RXRG: variants seen among roughly 807,000 people sequenced by gnomAD.
RXRG encodes retinoid X receptor gamma.
RXRG carries 19 observed loss-of-function variants against 49.2 expected under a neutral mutation model. That is an observed-to-expected ratio of 0.39 (90% CI 0.27 to 0.57). The LOEUF is 0.57. Among genes scored for constraint, RXRG ranks in the 20% least tolerant of loss-of-function variants. RXRG has a pLI of 0.64. For missense variants in RXRG, 452 were observed against 592.5 expected, an observed-to-expected ratio of 0.76 and a Z score of 2.46; for synonymous variants, 224 against 216.6, an observed-to-expected ratio of 1.03 and a Z score of -0.30.
intron 9 of RXRG, among the ~76,000 whole-genome samples, chr1:165,406,366 G>T (rs1657750018): frequency 6.6e-6 from 1 of 152,210 alleles, no homozygotes; most frequent in African/African-American, 2.4e-5. Flanking sequence ...GGGTTTCTAT[G>T]GGGGCAGACC....
chr1:165,413,113 T>C (rs910922064), intron 4 of RXRG, among the ~76,000 whole-genome samples: 2 of 152,216 alleles, frequency 1.3e-5, no homozygotes, highest in South Asian at 2.1e-4. Flanking sequence ...AACCCTTTGC[T>C]ATTCACTTTT....
intron 9 of RXRG, among the ~76,000 whole-genome samples, chr1:165,404,996 T>G (rs904828470): frequency 7.2e-5 from 11 of 152,204 alleles, no homozygotes; most frequent in African/African-American, 2.4e-4. Flanking sequence ...CGACCTCAGG[T>G]GATCCGCCAG....
chr1:165,406,693 A>T, intron 9 of RXRG, 119 bp downstream of exon 9: 1 of 758,836 alleles, frequency 1.3e-6, no homozygotes, highest in Non-Finnish European at 2.2e-6. Context: ...TCAGCTTGTT[A>T]TGAAGATTAA....
Position 165,444,970 on chromosome 1 carries a change from C to A in RXRG, c.-77G>T. ...CCTCTCTCGGCTCCCAGGCACAGCC[C>A]GGCTTTCTTCAACTTGGGCTAACAA... is the stretch of plus-strand genomic sequence containing the variant. On this transcript the variant is annotated 5_prime_UTR_variant, in exon 1 of 10. Coordinates refer to ENST00000359842, the MANE Select transcript of RXRG (RefSeq NM_006917.5). 1 of 1,407,072 alleles carries A rather than the reference C, an allele frequency of 7.1e-7. No individual in the cohort carries two copies. Among genetic ancestry groups the A allele is most frequent in the South Asian group, 1.2e-5 (1 of 86,236 alleles). 87.2% of individuals were successfully genotyped at this position (1,407,072 alleles called of 1,614,324 possible). A position where few individuals can be genotyped will look rare whatever the true frequency, so the allele number is the denominator to read the frequency against.
chr1:165,444,641 C>T (rs1440488424), intron 1 of RXRG, among the ~76,000 whole-genome samples: 1 of 152,184 alleles, frequency 6.6e-6, no homozygotes, highest in Non-Finnish European at 1.5e-5. Context: ...GCAAACGTAT[C>T]CTCACCTACA....
intron 1 of RXRG, among the ~76,000 whole-genome samples, chr1:165,435,599 G>C (rs1356718146): frequency 6.6e-6 from 1 of 152,170 alleles, no homozygotes; most frequent in African/African-American, 2.4e-5. Flanking sequence ...GAACAACTAA[G>C]ATACTCAATT....
intron 4 of RXRG, 87 bp from the exon 5 acceptor site, chr1:165,411,196 T>A: frequency 7.5e-7 from 1 of 1,326,506 alleles, no homozygotes; most frequent in South Asian, 1.4e-5. Context: ...CTCAATTTAC[T>A]CATCTATGAA....
At chr1:165,428,610 T>G (rs1658566592) in intron 2 of RXRG, 109 bp downstream of exon 2, 1 of 1,316,184 alleles carries the variant, frequency 7.6e-7, no homozygotes, top group African/African-American at 1.5e-5. Flanking sequence ...TTCAAACCCT[T>G]TGGCAAGCAC....
At chr1:165,442,470 A>G (rs12081274) in intron 1 of RXRG, among the ~76,000 whole-genome samples, 3,022 of 152,330 alleles carry the variant, frequency 0.02, 96 homozygotes, top group African/African-American at 0.069. Flanking sequence ...TCCCTATACT[A>G]TACTGAACTA....
chr1:165,429,531 T>G (rs1658606997), intron 1 of RXRG, among the ~76,000 whole-genome samples: 1 of 152,152 alleles, frequency 6.6e-6, no homozygotes, highest in Non-Finnish European at 1.5e-5. Flanking sequence ...TCCATAATAA[T>G]GATGGGGAAG....
At chr1:165,409,998 A>C (rs1045079566) in intron 6 of RXRG, among the ~76,000 whole-genome samples, 4 of 152,060 alleles carry the variant, frequency 2.6e-5, no homozygotes, top group African/African-American at 9.7e-5. Flanking sequence ...TTTAGCGGAT[A>C]ATAGTCACTA....
intron 6 of RXRG, among the ~76,000 whole-genome samples, chr1:165,410,303 A>G (rs1239013713): frequency 1.3e-5 from 2 of 152,226 alleles, no homozygotes; most frequent in East Asian, 3.8e-4. Context: ...AATACAGCAC[A>G]TAGAGTCTTA....
chr1:165,435,797 A>G lies in RXRG; in HGVS notation c.50-6831T>C, dbSNP rs1316113193. ...GGACCTCAATTTATTTTAATATGTG[A>G]AACCCAATTTTGCATTCTGGAGTAG... On this transcript the variant is annotated intron_variant, in intron 1 of 9. Transcript: ENST00000359842. Among the ~76,000 whole-genome samples, 3 of 152,230 alleles carry G rather than the reference A, an allele frequency of 2.0e-5. No homozygotes were observed. In the East Asian group the frequency reaches 5.8e-4, roughly 29 times the overall value.
chr1:165,401,887 C>T (rs1371819833), intron 9 of RXRG, among the ~76,000 whole-genome samples: 4 of 152,194 alleles, frequency 2.6e-5, no homozygotes, highest in Non-Finnish European at 4.4e-5. Flanking sequence ...AGCCATCATG[C>T]CATCAATTTG....
chr1:165,442,288 G>T (rs1277608557), intron 1 of RXRG, among the ~76,000 whole-genome samples: 1 of 152,194 alleles, frequency 6.6e-6, no homozygotes, highest in African/African-American at 2.4e-5. Context: ...GCAGACGGGG[G>T]CAGAGTCCTT....
intron 6 of RXRG, among the ~76,000 whole-genome samples, chr1:165,410,321 A>T (rs949612520): frequency 1.3e-5 from 2 of 152,224 alleles, no homozygotes; most frequent in African/African-American, 4.8e-5. Flanking sequence ...TTAAAATAGG[A>T]AGACAGTGGA....
In RXRG at chr1:165,445,003, C is replaced by A; in HGVS notation, c.-110G>T. 2.0e-6 allele frequency: 2 copies of A among 996,958 alleles called. No homozygotes were observed. The highest frequency in any genetic ancestry group is 2.7e-5 in the South Asian group (2 of 74,470). 61.8% of individuals were successfully genotyped at this position (996,958 alleles called of 1,614,324 possible). A position where few individuals can be genotyped will look rare whatever the true frequency, so the allele number is the denominator to read the frequency against. On this transcript the variant is annotated 5_prime_UTR_variant, in exon 1 of 10. The change abolishes an upstream ATG in the 5' untranslated region. Transcript: ENST00000359842. ...TTCAACTTGGGCTAACAAGAGTGGT[C>A]ATCGCTTCCTAGCAGCCCGGGGAGC...
At chr1:165,441,498 G>C (rs1659002538) in intron 1 of RXRG, among the ~76,000 whole-genome samples, 1 of 152,192 alleles carries the variant, frequency 6.6e-6, no homozygotes, top group South Asian at 2.1e-4. Flanking sequence ...CCTTAAGCAA[G>C]TTATTTCACC....
At chr1:165,427,602 C>T (rs775331527) in intron 2 of RXRG, among the ~76,000 whole-genome samples, 3 of 152,180 alleles carry the variant, frequency 2.0e-5, no homozygotes, top group East Asian at 1.9e-4. Context: ...GCCACCACAC[C>T]GGGCTAATTT....
Sources: allele counts gnomAD v4.1 joint callset (sites outside exome capture counted in the v4.1 genomes callset), GRCh38; gene constraint gnomAD v4.1.1; transcripts MANE v1.5; gene names NCBI Gene and HGNC (gene_info 2026-07-23, HGNC 2026-07-21).